SPATA13: variants seen among roughly 807,000 people sequenced by gnomAD.
The protein encoded by SPATA13 is spermatogenesis-associated protein 13.
A neutral mutation model predicts 104.0 loss-of-function variants in SPATA13; 50 were observed. The observed-to-expected ratio is 0.48, with a 90% CI of 0.38 to 0.61. The LOEUF is 0.61. SPATA13 is among the 20% of genes least tolerant of loss of function. The pLI is 0.00. For synonymous variants in SPATA13, 606 were observed against 667.5 expected, an observed-to-expected ratio of 0.91 and a Z score of 1.42; for missense variants, 1,524 against 1,690.6, an observed-to-expected ratio of 0.90 and a Z score of 1.73.
chr13:24,280,126 C>A (rs1430020370), intron 4 of SPATA13, among the ~76,000 whole-genome samples: 5 of 152,220 alleles, frequency 3.3e-5, no homozygotes, highest in African/African-American at 1.2e-4. Context: ...ATCCTCCCAC[C>A]TCAGCCTCCC....
rs1225193546 is a variant in SPATA13, at chr13:24,278,889, C to CTTCT, written c.2165-5243_2165-5242insTTTC. Reference sequence around the variant, plus strand: ...CTGTTTTTCTTTCCTTCCTTCCTTCCTTCCTTCCTTCCTTCCTTCCTTCCT... The same window carrying CTTCT: ...CTGTTTTTCTTTCCTTCCTTCCTTCCTTCTTTCCTTCCTTCCTTCCTTCCTTCCT... On this transcript the variant is annotated intron_variant, in intron 4 of 12. Transcript: ENST00000382108. 1.7e-4 allele frequency: 158 copies of CTTCT among 909,992 alleles called. 1 individual carries two copies. In the East Asian group the frequency reaches 4.6e-3, roughly 27 times the overall value. The allele number at this position is 909,992 out of a possible 1,614,324, so 56.4% of individuals were successfully genotyped here. A position where few individuals can be genotyped will look rare whatever the true frequency, so the allele number is the denominator to read the frequency against.
chr13:24,073,526 T>C (rs1033744190), intron 3 of SPATA13, among the ~76,000 whole-genome samples: 3 of 152,234 alleles, frequency 2.0e-5, no homozygotes, highest in African/African-American at 7.2e-5. Flanking sequence ...GGAGTGGCAG[T>C]CTGTCCTCAC....
chr13:24,270,970 C>A, intron 4 of SPATA13: 1 of 1,314,220 alleles, frequency 7.6e-7, no homozygotes, highest in Non-Finnish European at 1.1e-6. Context: ...CAGCTCTTTC[C>A]TTCCCAAGTT....
At chr13:24,063,633 T>C (rs10219806) in intron 3 of SPATA13, among the ~76,000 whole-genome samples, 6,507 of 152,192 alleles carry the variant, frequency 0.043, 437 homozygotes, top group African/African-American at 0.15. Context: ...ACAGCTTCCC[T>C]GAGCCCACTC....
At chr13:24,264,812 T>C (rs1452948053) in intron 4 of SPATA13, among the ~76,000 whole-genome samples, 1 of 152,196 alleles carries the variant, frequency 6.6e-6, no homozygotes, top group South Asian at 2.1e-4. Context: ...AGGAAAACAA[T>C]GGCCTTCAGC....
At chr13:24,277,138 C>T (rs1875047672) in intron 4 of SPATA13, among the ~76,000 whole-genome samples, 1 of 152,106 alleles carries the variant, frequency 6.6e-6, no homozygotes, top group African/African-American at 2.4e-5. Context: ...CATCATAAAA[C>T]CACTGTTTTA....
At chr13:24,232,001 C>T (rs1006673373) in intron 2 of SPATA13, among the ~76,000 whole-genome samples, 7 of 152,094 alleles carry the variant, frequency 4.6e-5, no homozygotes, top group African/African-American at 1.7e-4. Flanking sequence ...ATTTCCTGGC[C>T]ACCTGTCCTT....
intron 3 of SPATA13, among the ~76,000 whole-genome samples, chr13:24,149,105 C>G (rs1297763490): frequency 2.0e-5 from 3 of 152,176 alleles, no homozygotes; most frequent in African/African-American, 7.2e-5. Context: ...CAGGAAGAAG[C>G]CATGGGGCAG....
At chr13:24,070,847 C>T (rs1215456650) in intron 3 of SPATA13, among the ~76,000 whole-genome samples, 7 of 152,046 alleles carry the variant, frequency 4.6e-5, no homozygotes, top group South Asian at 2.1e-4. Context: ...ACCAAAATAG[C>T]AGCTCTTCCT....
chr13:24,283,342 T>C (rs1443211605), intron 4 of SPATA13, among the ~76,000 whole-genome samples: 1 of 152,176 alleles, frequency 6.6e-6, no homozygotes, highest in Non-Finnish European at 1.5e-5. Context: ...AGTCATTCCG[T>C]TGGAAAAAAT....
chr13:24,121,949 T>C (rs1366433291), intron 3 of SPATA13: 45 of 719,814 alleles, frequency 6.3e-5, no homozygotes, highest in Non-Finnish European at 1.1e-4. Context: ...GTTGTTTCTT[T>C]TGTCCATCTA....
chr13:24,181,558 T>C (rs112531922), intron 1 of SPATA13, among the ~76,000 whole-genome samples: 1,878 of 152,216 alleles, frequency 0.012, 38 homozygotes, highest in African/African-American at 0.043. Context: ...TTGTTAAAAA[T>C]GAAGACAGAA....
At chr13:24,222,044 C>T (rs1312631170) in intron 1 of SPATA13, among the ~76,000 whole-genome samples, 2 of 152,158 alleles carry the variant, frequency 1.3e-5, no homozygotes, top group Non-Finnish European at 2.9e-5. Flanking sequence ...AACGTCTGAC[C>T]TCAGGTGATC....
chr13:24,163,266 GGC>G (rs2138489848), intron 1 of SPATA13, among the ~76,000 whole-genome samples: 1 of 152,276 alleles, frequency 6.6e-6, no homozygotes, highest in Admixed American at 6.5e-5. Context: ...TGGTTGTGAT[GGC>G]GCACTCACCT....
intron 1 of SPATA13, 32 bp downstream of exon 1, chr13:24,160,964 G>GGCGGGC (rs943918699): frequency 1.8e-5 from 18 of 981,816 alleles, no homozygotes; most frequent in Non-Finnish European, 1.9e-5. Flanking sequence ...GGCTCTGCCG[G>GGCGGGC]GCGGGCGCGG....
chr13:24,052,814 TC>T (rs1878390791), intron 3 of SPATA13, among the ~76,000 whole-genome samples: 1 of 7,704 alleles, frequency 1.3e-4, no homozygotes. Context: ...GTGCAGCACT[TC>T]CCCCTGCCGC....
chr13:24,120,040 G>A (rs745526492), intron 3 of SPATA13, among the ~76,000 whole-genome samples: 1 of 152,090 alleles, frequency 6.6e-6, no homozygotes, highest in African/African-American at 2.4e-5. Flanking sequence ...CCAAATGGCC[G>A]TTGTTCCATT....
At chr13:24,285,212 T>A (rs34354611) in intron 5 of SPATA13, among the ~76,000 whole-genome samples, 28 of 152,308 alleles carry the variant, frequency 1.8e-4, no homozygotes, top group Non-Finnish European at 2.9e-4. Flanking sequence ...GACTTTTTAA[T>A]TGTTAACGAT....
intron 1 of SPATA13, among the ~76,000 whole-genome samples, chr13:24,173,202 T>A (rs544140244): frequency 6.6e-6 from 1 of 152,114 alleles, no homozygotes; most frequent in African/African-American, 2.4e-5. Flanking sequence ...CTCAGCCTCC[T>A]GAGTAGCTGG....
Sources: gnomAD v4.1 joint callset for allele counts (sites outside exome capture counted in the v4.1 genomes callset) on GRCh38, gnomAD v4.1.1 for gene constraint, MANE v1.5 for transcripts, NCBI Gene and HGNC (gene_info 2026-07-23, HGNC 2026-07-21) for gene names.